The following PCDHA1 variants were observed in gnomAD, a reference collection of about 807,000 sequenced individuals.
PCDHA1 encodes the protein protocadherin alpha-1.
A neutral mutation model predicts 61.3 loss-of-function variants in PCDHA1; 42 were observed. The observed-to-expected ratio is 0.69, with a 90% confidence interval of 0.54 to 0.89. The LOEUF is 0.89. PCDHA1 is among the 40% of genes least tolerant of loss of function. The probability of loss-of-function intolerance (pLI) is 0.00; values close to 1 mark genes in which losing one functional copy is unlikely to be tolerated. For synonymous variants in PCDHA1, 610 were observed against 553.8 expected (o/e 1.10, Z -1.43); for missense variants, 1,256 against 1,235.3 (o/e 1.02, Z -0.25).
chr5:140,943,800 A>G (rs1470801059), intron 1 of PCDHA1, among the ~76,000 whole-genome samples: 1 of 152,218 alleles, frequency 6.6e-6, no homozygotes, highest in East Asian at 1.9e-4. Flanking sequence ...GCAAAGCAAA[A>G]GAGGAAAGTT....
chr5:140,911,792 T>C (rs1429471693), intron 1 of PCDHA1, among the ~76,000 whole-genome samples: 1 of 152,190 alleles, frequency 6.6e-6, no homozygotes, highest in Non-Finnish European at 1.5e-5. Context: ...TTTTTGGGTC[T>C]AATCATATTA....
At chr5:140,876,653 C>G in intron 1 of PCDHA1, 1 of 1,614,200 alleles carries the variant, frequency 6.2e-7, no homozygotes, top group Non-Finnish European at 8.5e-7. Flanking sequence ...CCTCATGTTC[C>G]CTTCAAGCTG....
intron 1 of PCDHA1, among the ~76,000 whole-genome samples, chr5:140,909,383 C>T (rs782249699): frequency 5.9e-5 from 9 of 152,202 alleles, no homozygotes; most frequent in Non-Finnish European, 1.3e-4. Flanking sequence ...GAAACCACAT[C>T]TAGTACAGCA....
intron 1 of PCDHA1, chr5:140,827,916 T>C: frequency 1.1e-6 from 1 of 884,046 alleles, no homozygotes; most frequent in Non-Finnish European, 1.7e-6. Context: ...ATGATGTCGC[T>C]GTCTACCATG....
intron 1 of PCDHA1, among the ~76,000 whole-genome samples, chr5:140,888,250 G>A (rs2061753546): frequency 6.6e-6 from 1 of 152,128 alleles, no homozygotes; most frequent in African/African-American, 2.4e-5. Flanking sequence ...CTTTAAAGCA[G>A]TAGTTCTTGA....
chr5:140,856,771 T>A, intron 1 of PCDHA1: 1 of 1,596,918 alleles, frequency 6.3e-7, no homozygotes, highest in Non-Finnish European at 8.6e-7. Flanking sequence ...CCCCTATCTT[T>A]GACAGACCGG....
At chr5:140,967,692 G>A (rs781940460) in intron 1 of PCDHA1, 12 of 1,614,196 alleles carry the variant, frequency 7.4e-6, no homozygotes, top group South Asian at 1.1e-5. Flanking sequence ...CAGCTCTTCA[G>A]CATAGATGCC....
intron 1 of PCDHA1, chr5:140,843,594 T>G: frequency 6.3e-7 from 1 of 1,595,928 alleles, no homozygotes; most frequent in Middle Eastern, 1.7e-4. Context: ...CCGCAGAGGG[T>G]GTGCTCTGGT....
In PCDHA1 at chr5:140,787,083, A is replaced by C. The variant is rs1554117670; in HGVS notation, c.793A>C (p.Asn265His). The C allele has an allele frequency of 6.2e-7, 1 of 1,614,202 alleles. No individual in the cohort carries two copies. Among genetic ancestry groups the C allele is most frequent in the Non-Finnish European group, 8.5e-7 (1 of 1,180,012 alleles). ...AAATGGAACATTAGTGACCACATTAAATGCCTCTGATGCTGACGAAGGTGT... is the reference window on the plus strand; with the variant it reads ...AAATGGAACATTAGTGACCACATTACATGCCTCTGATGCTGACGAAGGTGT... ...TANGTLVTTL[N>H]ASDADEGVNG... is the part of the protein sequence containing the mutation. The change falls in exon 1 of 4, where the codon AAT becomes CAT. Residue 265 changes from asparagine (N) to histidine (H), a missense_variant. Asn to His is a moderately conservative substitution (Grantham distance 68). Coordinates refer to ENST00000504120, the MANE Select transcript of PCDHA1 (RefSeq NM_018900.4).
chr5:140,790,683 T>C (rs7728497), intron 1 of PCDHA1, among the ~76,000 whole-genome samples: 8,179 of 152,290 alleles, frequency 0.054, 725 homozygotes, highest in African/African-American at 0.19. Flanking sequence ...CTCTTTCCAA[T>C]TCACATTACT....
rs201969686 is a variant in PCDHA1, at chr5:140,898,775, T to A, written c.2395-80174T>A. ...GATGGCATTGAATCTGTAAATTACC[T>A]TGGGCAGTATGGCCATTTTCACGAT... On this transcript the variant is annotated intron_variant, in intron 1 of 3. Coordinates refer to ENST00000504120, the MANE Select transcript of PCDHA1 (RefSeq NM_018900.4). 9.9e-4 allele frequency among the ~76,000 whole-genome samples: 151 copies of A among 152,312 alleles called. 1 individual carries two copies. The East Asian group carries it at 0.026, about 26-fold the overall frequency.
intron 1 of PCDHA1, chr5:140,968,252 C>T: frequency 1.2e-6 from 2 of 1,613,948 alleles, no homozygotes; most frequent in Non-Finnish European, 1.7e-6. Context: ...AGCCACAGAC[C>T]CAGATGAAAA....
intron 1 of PCDHA1, chr5:140,877,468 C>A (rs781957457): frequency 6.2e-7 from 1 of 1,613,810 alleles, no homozygotes; most frequent in South Asian, 1.1e-5. Flanking sequence ...GGCCACGGTG[C>A]TGGTGTCGCT....
At chr5:140,846,138 T>C (rs1780216655) in intron 1 of PCDHA1, among the ~76,000 whole-genome samples, 1 of 149,702 alleles carries the variant, frequency 6.7e-6, no homozygotes, top group Non-Finnish European at 1.5e-5. Flanking sequence ...ATGTTTCCCA[T>C]ATTTAAAAGT....
intron 1 of PCDHA1, chr5:140,795,836 C>T (rs1762001014): frequency 1.2e-6 from 2 of 1,613,770 alleles, no homozygotes; most frequent in Non-Finnish European, 8.5e-7. Flanking sequence ...ACTATACAGA[C>T]TAAGTTTACC....
chr5:140,824,420 T>G (rs1192549493), intron 1 of PCDHA1: 6 of 510,762 alleles, frequency 1.2e-5, no homozygotes, highest in Non-Finnish European at 2.0e-5. Flanking sequence ...TAGTTTGGAG[T>G]CATTCTCAAA....
At position 141,011,042 on chromosome 5, in the gene PCDHA1, T is replaced by G. The variant is rs915588789; in HGVS notation, c.*1105T>G. 6.5e-6 allele frequency: 1 copy of G among 153,796 alleles called. No individual in the cohort carries two copies. The highest frequency in any genetic ancestry group is 2.4e-5 in the African/African-American group (1 of 41,464). The allele number at this position is 153,796 out of a possible 1,614,324, so 9.5% of individuals were successfully genotyped here. A position where few individuals can be genotyped will look rare whatever the true frequency, so the allele number is the denominator to read the frequency against. On this transcript the variant is annotated 3_prime_UTR_variant, in exon 4 of 4. Transcript: ENST00000504120. ...TCACAGCTTTACTCTTTCAGGTCACTCTGGGGCTGCCTCTTGCATGTATTA... is the reference window on the plus strand; with the variant it reads ...TCACAGCTTTACTCTTTCAGGTCACGCTGGGGCTGCCTCTTGCATGTATTA...
At chr5:140,814,133 TACA>T (rs1334551555) in intron 1 of PCDHA1, 8 of 153,298 alleles carry the variant, frequency 5.2e-5, no homozygotes, top group African/African-American at 1.4e-4. Context: ...TGTACAGCTG[TACA>T]AAAATATTTT....
At chr5:140,848,246 A>G (rs1781398365) in intron 1 of PCDHA1, 1 of 453,054 alleles carries the variant, frequency 2.2e-6, no homozygotes, top group African/African-American at 2.0e-5. Context: ...GTTTTGCAGA[A>G]TAACTGTGAA....
Sources: gnomAD v4.1 joint callset for allele counts (sites outside exome capture counted in the v4.1 genomes callset) on GRCh38, gnomAD v4.1.1 for gene constraint, MANE v1.5 for transcripts, NCBI Gene and HGNC (gene_info 2026-07-23, HGNC 2026-07-21) for gene names.